The following SLC36A1 variants were observed in gnomAD, a reference collection of about 807,000 sequenced individuals.
SLC36A1 encodes the protein solute carrier family 36 member 1, also known as proton-coupled amino acid transporter 1.
A neutral mutation model predicts 47.5 loss-of-function variants in SLC36A1; 30 were observed. The observed-to-expected ratio is 0.63, with a 90% CI of 0.47 to 0.86. The LOEUF (loss-of-function observed/expected upper bound fraction) is 0.86, where lower values mean the gene tolerates loss of function less well. Ranked by LOEUF, SLC36A1 falls within the 40% of genes least tolerant of loss-of-function variation. The probability of loss-of-function intolerance (pLI) is 0.00; values close to 1 mark genes in which losing one functional copy is unlikely to be tolerated. For synonymous variants in SLC36A1, 255 were observed against 249.7 expected, an observed-to-expected ratio of 1.02 and a Z score of -0.20; for missense variants, 517 against 606.0, an observed-to-expected ratio of 0.85 and a Z score of 1.54.
the SLC36A1 span, among the ~76,000 whole-genome samples, chr5:151,429,536 T>C: frequency 1.3e-5 from 2 of 152,020 alleles, no homozygotes; most frequent in Non-Finnish European, 2.9e-5. Flanking sequence ...AATTCATCAT[T>C]TTTTATGGCT....
chr5:151,477,714 T>A (rs1199137604), intron 9 of SLC36A1: 1 of 152,250 alleles, frequency 6.6e-6, no homozygotes, highest in East Asian at 1.9e-4. Flanking sequence ...ATCAGGGTAA[T>A]TGGCATATCC....
chr5:151,544,879 G>A, the SLC36A1 span: 1 of 1,614,058 alleles, frequency 6.2e-7, no homozygotes, highest in African/African-American at 1.3e-5. Flanking sequence ...CCCTGGCTCT[G>A]TGCCATCTTG....
intron 2 of SLC36A1, among the ~76,000 whole-genome samples, chr5:151,463,122 G>T (rs141842040): frequency 1.3e-5 from 2 of 152,220 alleles, no homozygotes; most frequent in East Asian, 1.9e-4. Flanking sequence ...GTGATCCACC[G>T]CTTCGGCCTC....
At chr5:151,428,447 C>G in the SLC36A1 span, among the ~76,000 whole-genome samples, 17 of 152,134 alleles carry the variant, frequency 1.1e-4, no homozygotes, top group Non-Finnish European at 2.2e-4. Flanking sequence ...ATCTCCAGGC[C>G]CTAGCTGGCC....
At chr5:151,505,634 C>T in the SLC36A1 span, 6 of 1,614,176 alleles carry the variant, frequency 3.7e-6, no homozygotes, top group Non-Finnish European at 5.1e-6. Flanking sequence ...AGTTGGGGGG[C>T]ACCCGGGGCT....
At chr5:151,553,468 G>A in the SLC36A1 span, 41 of 1,235,264 alleles carry the variant, frequency 3.3e-5, no homozygotes, top group East Asian at 2.8e-4. Context: ...GAACCAGAGC[G>A]TCCTGTGATT....
upstream of SLC36A1, among the ~76,000 whole-genome samples, chr5:151,434,316 A>C (rs1759642540): frequency 6.6e-6 from 1 of 152,252 alleles, no homozygotes; most frequent in African/African-American, 2.4e-5. Flanking sequence ...TACTCTGAAG[A>C]GTAATCAGGT....
chr5:151,550,883 G>T, the SLC36A1 span: 1 of 1,610,810 alleles, frequency 6.2e-7, no homozygotes, highest in Non-Finnish European at 8.5e-7. Flanking sequence ...TAGGGAGGGA[G>T]ATGAGGGAGA....
At chr5:151,412,315 G>A in the SLC36A1 span, among the ~76,000 whole-genome samples, 4 of 144,364 alleles carry the variant, frequency 2.8e-5, 2 homozygotes, top group African/African-American at 1.0e-4. Flanking sequence ...TTCATTCCCC[G>A]GAGTTTGGGC....
the SLC36A1 span, chr5:151,525,972 C>A: frequency 6.2e-6 from 10 of 1,613,492 alleles, no homozygotes; most frequent in Non-Finnish European, 7.6e-6. Flanking sequence ...TCTCCTGAGA[C>A]CGAGAGTGAC....
the SLC36A1 span, among the ~76,000 whole-genome samples, chr5:151,352,728 G>A: frequency 6.6e-6 from 1 of 152,242 alleles, no homozygotes; most frequent in South Asian, 2.1e-4. Flanking sequence ...TTCCCATAGT[G>A]TCTTCTCTCT....
chr5:151,545,194 T>C, the SLC36A1 span: 1 of 1,614,210 alleles, frequency 6.2e-7, no homozygotes, highest in Non-Finnish European at 8.5e-7. Flanking sequence ...CAAGTTCTCC[T>C]TCACAGCTGC....
At chr5:151,413,927 G>A in the SLC36A1 span, among the ~76,000 whole-genome samples, 26 of 151,950 alleles carry the variant, frequency 1.7e-4, no homozygotes, top group Admixed American at 1.4e-3. Flanking sequence ...TAAGATCTAA[G>A]TGAACACAGT....
the SLC36A1 span, among the ~76,000 whole-genome samples, chr5:151,379,060 G>T: frequency 6.6e-6 from 1 of 152,338 alleles, no homozygotes; most frequent in East Asian, 1.9e-4. Context: ...TCTCCCAGGT[G>T]GGGAGGTGCT....
the SLC36A1 span, among the ~76,000 whole-genome samples, chr5:151,367,804 C>T: frequency 1.3e-5 from 2 of 152,164 alleles, no homozygotes; most frequent in Non-Finnish European, 2.9e-5. Flanking sequence ...TCAGCCGGTC[C>T]CTCTGTTCAG....
chr5:151,517,260 G>A, the SLC36A1 span, among the ~76,000 whole-genome samples: 1 of 152,160 alleles, frequency 6.6e-6, no homozygotes, highest in African/African-American at 2.4e-5. Flanking sequence ...TGATTCCATG[G>A]GGTTTGAGCA....
At chr5:151,522,043 A>G in the SLC36A1 span, 1 of 1,607,074 alleles carries the variant, frequency 6.2e-7, no homozygotes, top group Non-Finnish European at 8.5e-7. Context: ...ATGGACACGG[A>G]CAGACGTCAA....
At chr5:151,414,479 GT>G in the SLC36A1 span, among the ~76,000 whole-genome samples, 1 of 152,152 alleles carries the variant, frequency 6.6e-6, no homozygotes, top group East Asian at 1.9e-4. Flanking sequence ...AATATATCTT[GT>G]CCAATAAGGA....
chr5:151,507,686 G>A, the SLC36A1 span: 48 of 1,341,114 alleles, frequency 3.6e-5, no homozygotes, highest in Non-Finnish European at 4.5e-5. Flanking sequence ...GAGATCTATG[G>A]GATAGAGACT....
Sources: gnomAD v4.1 joint callset for allele counts (sites outside exome capture counted in the v4.1 genomes callset) on GRCh38, gnomAD v4.1.1 for gene constraint, MANE v1.5 for transcripts, NCBI Gene and HGNC (gene_info 2026-07-23, HGNC 2026-07-21) for gene names.